The following UCK2 variants were observed in gnomAD, a reference collection of about 807,000 sequenced individuals.
UCK2 encodes cytidine monophosphokinase 2.
A neutral mutation model predicts 30.8 loss-of-function variants in UCK2; 6 were observed. The observed-to-expected ratio is 0.19, with a 90% CI of 0.11 to 0.38. UCK2 has a LOEUF of 0.38. Ranked by LOEUF, UCK2 falls within the 10% of genes least tolerant of loss-of-function variation. The pLI, the probability that UCK2 is intolerant of heterozygous loss-of-function variation, is 1.00. For missense variants in UCK2, 210 were observed against 339.8 expected (o/e 0.62, Z 3.00); for synonymous variants, 125 against 133.6 (o/e 0.94, Z 0.45).
intron 1 of UCK2, among the ~76,000 whole-genome samples, chr1:165,838,207 A>G (rs1423182251): frequency 6.6e-6 from 1 of 152,108 alleles, no homozygotes; most frequent in Non-Finnish European, 1.5e-5. Context: ...TTGTCTCCTG[A>G]CCCATCTCCC....
intron 1 of UCK2, among the ~76,000 whole-genome samples, chr1:165,862,425 G>T (rs903838868): frequency 6.6e-6 from 1 of 152,174 alleles, no homozygotes; most frequent in African/African-American, 2.4e-5. Context: ...ATCATGGGAG[G>T]TCCTTTGGTG....
intron 1 of UCK2, among the ~76,000 whole-genome samples, chr1:165,838,892 A>G (rs536120080): frequency 1.6e-3 from 244 of 152,258 alleles, no homozygotes; most frequent in Non-Finnish European, 2.1e-3. Context: ...TACTAAAAAT[A>G]CAAAAATTAG....
intron 1 of UCK2, among the ~76,000 whole-genome samples, chr1:165,833,398 G>C (rs1404714819): frequency 6.6e-6 from 1 of 152,158 alleles, no homozygotes; most frequent in Admixed American, 6.5e-5. Context: ...TGCTCTGCCT[G>C]AATCTCTCCT....
intron 1 of UCK2, among the ~76,000 whole-genome samples, chr1:165,858,537 G>A (rs1654811933): frequency 6.6e-6 from 1 of 152,186 alleles, no homozygotes; most frequent in South Asian, 2.1e-4. Context: ...CCAAGTCCAG[G>A]AAGGTTATGC....
chr1:165,885,590 A>C (rs917642265), intron 1 of UCK2, among the ~76,000 whole-genome samples: 6 of 152,342 alleles, frequency 3.9e-5, no homozygotes, highest in Admixed American at 3.9e-4. Flanking sequence ...TTCACTAAAT[A>C]TAGAGATATT....
At chr1:165,846,006 A>G (rs1654439877) in intron 1 of UCK2, among the ~76,000 whole-genome samples, 1 of 152,188 alleles carries the variant, frequency 6.6e-6, no homozygotes, top group South Asian at 2.1e-4. Context: ...CTGCAAAGAA[A>G]GTTGACCAGG....
chr1:165,827,737 A>T lies in UCK2; in HGVS notation c.-97A>T, dbSNP rs1352572797. 3.6e-6 allele frequency: 4 copies of T among 1,121,308 alleles called. No homozygotes were observed. The East Asian group carries it at 9.8e-5, about 27-fold the overall frequency. The allele number at this position is 1,121,308 out of a possible 1,614,324, so 69.5% of individuals were successfully genotyped here. On this transcript the variant is annotated 5_prime_UTR_variant, in exon 1 of 7. Coordinates refer to ENST00000367879, the MANE Select transcript of UCK2 (RefSeq NM_012474.5). ...AGCGGCCTCAGCCCCGGCAGCGCCC[A>T]GCGGCGGCTGCGGAAAGCGGAGGGA...
In UCK2 at chr1:165,852,120, A is replaced by G. The variant is rs187744010; in HGVS notation, c.99+24188A>G. On this transcript the variant is annotated intron_variant, in intron 1 of 6. Coordinates refer to ENST00000367879, the MANE Select transcript of UCK2 (RefSeq NM_012474.5). ...ACACGGTAATGGGATTGCTGGGTCA[A>G]ATGGCATTTCTGGTTCAGCATCCTT... Among the ~76,000 whole-genome samples, 75 of 152,332 alleles carry G rather than the reference A, an allele frequency of 4.9e-4. 1 individual carries two copies. Among genetic ancestry groups the G allele is most frequent in the Admixed American group, 5.2e-4 (8 of 15,300 alleles).
intron 4 of UCK2, among the ~76,000 whole-genome samples, chr1:165,899,896 T>A (rs546339557): frequency 6.6e-6 from 1 of 152,164 alleles, no homozygotes; most frequent in Non-Finnish European, 1.5e-5. Context: ...CGGAGGTTCT[T>A]GGGGAGCAGA....
intron 2 of UCK2, 47 bp from the exon 3 acceptor site, chr1:165,891,179 T>C: frequency 1.3e-6 from 2 of 1,526,674 alleles, no homozygotes; most frequent in Non-Finnish European, 1.8e-6. Context: ...TTATAGGAGA[T>C]CCTATTTTAA....
At chr1:165,901,966 G>T (rs1049957348) in intron 4 of UCK2, among the ~76,000 whole-genome samples, 3 of 86,998 alleles carry the variant, frequency 3.4e-5, no homozygotes, top group African/African-American at 1.8e-4. Context: ...AAAAAAAAAA[G>T]GCTCACACCT....
intron 1 of UCK2, among the ~76,000 whole-genome samples, chr1:165,834,975 A>G (rs1328751689): frequency 1.3e-5 from 2 of 152,186 alleles, no homozygotes; most frequent in Admixed American, 6.5e-5. Flanking sequence ...TATTCAGCCC[A>G]TAAGTATGCT....
chr1:165,877,107 C>T (rs534945730), intron 1 of UCK2, among the ~76,000 whole-genome samples: 4 of 152,112 alleles, frequency 2.6e-5, no homozygotes, highest in Non-Finnish European at 5.9e-5. Flanking sequence ...CCACTGACCC[C>T]CCCAAAATTT....
intron 1 of UCK2, among the ~76,000 whole-genome samples, chr1:165,841,839 C>T (rs1229717520): frequency 6.6e-6 from 1 of 152,134 alleles, no homozygotes; most frequent in African/African-American, 2.4e-5. Context: ...CTGTTTACAC[C>T]TCTAGATTCC....
intron 1 of UCK2, among the ~76,000 whole-genome samples, chr1:165,861,881 C>T (rs115236537): frequency 0.018 from 2,685 of 152,238 alleles, 38 homozygotes; most frequent in Non-Finnish European, 0.028. Flanking sequence ...GCAAAATACA[C>T]GCAGATTTCA....
intron 1 of UCK2, among the ~76,000 whole-genome samples, chr1:165,840,693 C>T (rs79234663): frequency 0.027 from 4,179 of 152,190 alleles, 194 homozygotes; most frequent in African/African-American, 0.096. Context: ...CTTCCTGGGT[C>T]GACCTTTGAA....
intron 1 of UCK2, among the ~76,000 whole-genome samples, chr1:165,846,485 C>A (rs894066606): frequency 6.6e-6 from 1 of 151,996 alleles, no homozygotes; most frequent in Non-Finnish European, 1.5e-5. Context: ...GGAAGTTGGT[C>A]AAGTCTTATC....
intron 1 of UCK2, among the ~76,000 whole-genome samples, chr1:165,850,811 A>T (rs1654574703): frequency 6.7e-6 from 1 of 149,728 alleles, no homozygotes; most frequent in South Asian, 2.1e-4. Flanking sequence ...TTTAGTAGAG[A>T]CGGGGTTTCA....
At chr1:165,875,778 G>A (rs772949114) in intron 1 of UCK2, among the ~76,000 whole-genome samples, 8 of 152,102 alleles carry the variant, frequency 5.3e-5, no homozygotes, top group African/African-American at 1.4e-4. Context: ...AAAGAGGTGC[G>A]GAGTTTCCAA....
Sources: allele counts gnomAD v4.1 joint callset (sites outside exome capture counted in the v4.1 genomes callset), GRCh38; gene constraint gnomAD v4.1.1; transcripts MANE v1.5; gene names NCBI Gene and HGNC (gene_info 2026-07-23, HGNC 2026-07-21).